The following LOXL3 variants were observed in gnomAD, a reference collection of about 807,000 sequenced individuals.
LOXL3 encodes lysyl oxidase like 3.
In LOXL3, 60 loss-of-function variants were observed where a neutral mutation model predicts 91.8. The observed-to-expected ratio is 0.65, with a 90% CI of 0.53 to 0.81. LOXL3 has a LOEUF of 0.81. Among genes scored for constraint, LOXL3 ranks in the 30% least tolerant of loss-of-function variants. LOXL3 has a pLI of 0.00. For missense variants in LOXL3, 874 were observed against 1,000.4 expected, an observed-to-expected ratio of 0.87 and a Z score of 1.70; for synonymous variants, 355 against 387.6, an observed-to-expected ratio of 0.92 and a Z score of 0.99.
At chr2:74,538,344 A>G (rs939938245) in intron 4 of LOXL3, among the ~76,000 whole-genome samples, 3 of 152,212 alleles carry the variant, frequency 2.0e-5, no homozygotes, top group African/African-American at 4.8e-5. Context: ...AATTTCTGAG[A>G]TCCTTTGAAA....
chr2:74,533,488 G>A lies in LOXL3; in HGVS notation c.*118C>T. On this transcript the variant is annotated 3_prime_UTR_variant, in exon 14 of 14. Coordinates refer to ENST00000264094, the MANE Select transcript of LOXL3 (RefSeq NM_032603.5). The stretch of plus-strand genomic sequence containing the variant: ...TCTGCTTGACAGTTCCACATCCATA[G>A]TGCATGGTCTGATGAGTGCGGTTGC... 1.2e-6 allele frequency: 1 copy of A among 827,902 alleles called. No individual in the cohort carries two copies. The highest frequency in any genetic ancestry group is 2.0e-6 in the Non-Finnish European group (1 of 502,968). The allele number at this position is 827,902 out of a possible 1,614,324, so 51.3% of individuals were successfully genotyped here. A position where few individuals can be genotyped will look rare whatever the true frequency, so the allele number is the denominator to read the frequency against.
At position 74,536,591 on chromosome 2, in the gene LOXL3, C is replaced by A; in HGVS notation, c.912+118G>T. On this transcript the variant is annotated intron_variant, in intron 5 of 13. Transcript: ENST00000264094. The surrounding 1 kb of genome is among the most constrained non-coding windows in gnomAD (Gnocchi z 4.5). ...GAGTGGGTGGTATCAGGTCTGTGGCCCACCCCCTGGAAGGCTCCTCTCTGT... is the reference window on the plus strand; with the variant it reads ...GAGTGGGTGGTATCAGGTCTGTGGCACACCCCCTGGAAGGCTCCTCTCTGT... The A allele has an allele frequency of 6.9e-7, 1 of 1,449,964 alleles. No homozygotes were observed. Among genetic ancestry groups the A allele is most frequent in the Non-Finnish European group, 9.5e-7 (1 of 1,056,930 alleles). The allele number at this position is 1,449,964 out of a possible 1,614,324, so 89.8% of individuals were successfully genotyped here.
Position 74,535,846 on chromosome 2 carries a change from A to G in LOXL3, c.1249-91T>C. The G allele has an allele frequency of 2.0e-6, 3 of 1,491,652 alleles. No homozygotes were observed. In the South Asian group the frequency reaches 4.0e-5, roughly 20 times the overall value. 92.4% of individuals were successfully genotyped at this position (1,491,652 alleles called of 1,614,324 possible). A position where few individuals can be genotyped will look rare whatever the true frequency, so the allele number is the denominator to read the frequency against. On this transcript the variant is annotated intron_variant, in intron 7 of 13. Coordinates refer to ENST00000264094, the MANE Select transcript of LOXL3 (RefSeq NM_032603.5). This position sits in a 1 kb window ranked among gnomAD's most constrained non-coding sequence, Gnocchi z 4.2. Reference sequence around the variant, plus strand: ...GATGTGGCTGAAGCGTGACTCAGGCACATAATGGGCTAGCAAGTGATGGGT... The same window carrying G: ...GATGTGGCTGAAGCGTGACTCAGGCGCATAATGGGCTAGCAAGTGATGGGT...
chr2:74,552,885 A>G (rs1388671592), intron 1 of LOXL3: 9 of 481,826 alleles, frequency 1.9e-5, no homozygotes, highest in Non-Finnish European at 2.9e-5. Flanking sequence ...AGAGACAACT[A>G]TGAGAGATCG....
At position 74,549,565 on chromosome 2, in the gene LOXL3, C is replaced by T. The variant is rs540709903; in HGVS notation, c.496G>A (p.Val166Met). The change falls in exon 4 of 14, where the codon GTG (valine) becomes ATG (methionine). Residue 166 changes from valine to methionine, a missense_variant. Val to Met is a conservative substitution (Grantham distance 21). Transcript: ENST00000264094. The surrounding 1 kb of genome is among the most constrained non-coding windows in gnomAD (Gnocchi z 5.3). ...GCGGGTCGAATTCGCACCTCCTCCA[C>T]TTGCAGGTGATGCTCTACCTGGGGG... ...NVIEVEHHLQ[V>M]EEVRIRPAVG... The T allele has an allele frequency of 3.2e-5, 52 of 1,610,094 alleles. No individual in the cohort carries two copies. The highest frequency in any genetic ancestry group is 6.7e-5 in the Admixed American group (4 of 59,862).
At position 74,533,430 on chromosome 2, in the gene LOXL3, C is replaced by T. The variant is rs1276013343; in HGVS notation, c.*176G>A. On this transcript the variant is annotated 3_prime_UTR_variant, in exon 14 of 14. Transcript: ENST00000264094. Reference sequence around the variant, plus strand: ...AGATTCCCATGCTTGGCTACAGATACTGACAGCTGGCCTCTGAAGGAGGGT... The same window carrying T: ...AGATTCCCATGCTTGGCTACAGATATTGACAGCTGGCCTCTGAAGGAGGGT... 7 of 608,962 alleles carry T rather than the reference C, an allele frequency of 1.1e-5. No individual in the cohort carries two copies. The highest frequency in any genetic ancestry group is 7.8e-5 in the South Asian group (4 of 51,474). The allele number at this position is 608,962 out of a possible 1,614,324, so 37.7% of individuals were successfully genotyped here.
chr2:74,537,737 T>C (rs1676106614), intron 4 of LOXL3, among the ~76,000 whole-genome samples: 1 of 152,184 alleles, frequency 6.6e-6, no homozygotes, highest in Admixed American at 6.5e-5. Flanking sequence ...GACTGAACTA[T>C]AGATGCTAAG....
chr2:74,540,599 G>A (rs185180529), intron 4 of LOXL3, among the ~76,000 whole-genome samples: 6 of 151,974 alleles, frequency 3.9e-5, no homozygotes, highest in Admixed American at 3.3e-4. Context: ...AATCCCATAT[G>A]CTGTGGTCAT....
At chr2:74,542,247 G>GGC (rs1676366292) in intron 4 of LOXL3, among the ~76,000 whole-genome samples, 1 of 152,124 alleles carries the variant, frequency 6.6e-6, no homozygotes, top group African/African-American at 2.4e-5. Flanking sequence ...GAGCCATGAT[G>GGC]GCGCCACTGC....
At chr2:74,550,648 TA>T (rs1178211112) in intron 2 of LOXL3, among the ~76,000 whole-genome samples, 1 of 152,204 alleles carries the variant, frequency 6.6e-6, no homozygotes, top group Non-Finnish European at 1.5e-5. Context: ...TAGCTACAAT[TA>T]ATCAGGTACC....
chr2:74,552,221 G>T, intron 2 of LOXL3, 101 bp downstream of exon 2: 3 of 1,042,960 alleles, frequency 2.9e-6, no homozygotes, highest in Non-Finnish European at 4.2e-6. Context: ...GGCTGTTCTT[G>T]GTGTCGTGTG....
chr2:74,537,868 G>C (rs1327899623), intron 4 of LOXL3, among the ~76,000 whole-genome samples: 1 of 152,202 alleles, frequency 6.6e-6, no homozygotes, highest in East Asian at 1.9e-4. Flanking sequence ...GCAGAGAAAG[G>C]GAAGAAAATG....
intron 4 of LOXL3, among the ~76,000 whole-genome samples, chr2:74,537,627 A>T (rs1676102441): frequency 6.6e-6 from 1 of 152,230 alleles, no homozygotes. Flanking sequence ...AATGGCAAAG[A>T]CATCCCAGGA....
chr2:74,550,144 A>G (rs1485457308), intron 3 of LOXL3, 41 bp downstream of exon 3: 2 of 1,592,090 alleles, frequency 1.3e-6, no homozygotes, highest in Admixed American at 1.7e-5. Flanking sequence ...ACTCTCGGCT[A>G]TCCTGGGTAG....
intron 4 of LOXL3, among the ~76,000 whole-genome samples, chr2:74,538,800 C>T (rs773718619): frequency 2.6e-5 from 4 of 152,174 alleles, no homozygotes; most frequent in Non-Finnish European, 5.9e-5. Flanking sequence ...GCAAGTATGG[C>T]GTCTGAAAGA....
At chr2:74,538,083 G>A (rs960776225) in intron 4 of LOXL3, among the ~76,000 whole-genome samples, 1 of 152,182 alleles carries the variant, frequency 6.6e-6, no homozygotes, top group African/African-American at 2.4e-5. Context: ...TGGAAGCTCA[G>A]GATAAATGGA....
At chr2:74,545,394 A>G (rs897313570) in intron 4 of LOXL3, among the ~76,000 whole-genome samples, 10 of 152,186 alleles carry the variant, frequency 6.6e-5, no homozygotes, top group African/African-American at 2.4e-4. Context: ...AAATACCTTT[A>G]TTTGTAATTT....
chr2:74,549,526 T>G lies in LOXL3; in HGVS notation c.535A>C (p.Arg179=). The change falls in exon 4 of 14, where the codon AGA becomes CGA. Residue 179 remains arginine, a synonymous_variant. Coordinates refer to ENST00000264094, the MANE Select transcript of LOXL3 (RefSeq NM_032603.5). The surrounding 1 kb of genome is among the most constrained non-coding windows in gnomAD (Gnocchi z 5.3). ...VRIRPAVGWG[R]RPLPVTEGLV... ...CCCTCCGTCACGGGCAGGGGTCGTC[T>G]GCCCCACCCAACGGCGGGTCGAATT... 1.2e-6 allele frequency: 2 copies of G among 1,613,168 alleles called. No individual in the cohort carries two copies. The highest frequency in any genetic ancestry group is 1.7e-6 in the Non-Finnish European group (2 of 1,179,406).
rs368390904 is a variant in LOXL3 at position 74,534,627 on chromosome 2, C to T, written c.1727G>A (p.Arg576His). The T allele has an allele frequency of 4.3e-5, 69 of 1,614,086 alleles. No individual in the cohort carries two copies. Among genetic ancestry groups the T allele is most frequent in the East Asian group, 6.7e-5 (3 of 44,896 alleles). The change falls in exon 10 of 14, where the codon CGT (arginine) becomes CAT (histidine). Residue 576 changes from arginine (R) to histidine (H), a missense_variant. Arg to His is a conservative substitution (Grantham distance 29). Coordinates refer to ENST00000264094, the MANE Select transcript of LOXL3 (RefSeq NM_032603.5). ...RSANWPYGHR[R>H]LLRFSSQIHN... ...GATCTGGGAGGAGAATCGGAGCAGACGCCGGTGACCATAGGGCCAGTTGGC... is the reference window on the plus strand; with the variant it reads ...GATCTGGGAGGAGAATCGGAGCAGATGCCGGTGACCATAGGGCCAGTTGGC...
Sources: gnomAD v4.1 joint callset for allele counts (sites outside exome capture counted in the v4.1 genomes callset) on GRCh38, gnomAD v4.1.1 for gene constraint, Gnocchi (gnomAD v3.1) non-coding constraint, MANE v1.5 for transcripts, NCBI Gene and HGNC (gene_info 2026-07-23, HGNC 2026-07-21) for gene names.